Variants in NETO1 observed in about 807,000 individuals in gnomAD.
NETO1 encodes the protein neuropilin and tolloid like 1.
A neutral mutation model predicts 61.3 loss-of-function variants in NETO1; 26 were observed. The observed-to-expected ratio is 0.42, with a 90% CI of 0.31 to 0.59. NETO1 has a LOEUF of 0.59. Ranked by LOEUF, NETO1 falls within the 20% of genes least tolerant of loss-of-function variation. The pLI, the probability that NETO1 is intolerant of heterozygous loss-of-function variation, is 0.12. For missense variants in NETO1, 531 were observed against 662.8 expected, an observed-to-expected ratio of 0.80 and a Z score of 2.18; for synonymous variants, 225 against 225.8, an observed-to-expected ratio of 1.00 and a Z score of 0.03.
At chr18:72,750,693 T>G in intron 8 of NETO1, 73 bp from the exon 9 acceptor site, 4 of 1,067,732 alleles carry the variant, frequency 3.7e-6, no homozygotes, top group Non-Finnish European at 5.3e-6. Flanking sequence ...AATATTATAG[T>G]CAAAATGTGT....
At chr18:72,778,608 G>A (rs1472796609) in intron 7 of NETO1, among the ~76,000 whole-genome samples, 3 of 152,062 alleles carry the variant, frequency 2.0e-5, no homozygotes, top group Admixed American at 2.0e-4. Context: ...TTTATAACAA[G>A]GATGAACTTT....
At chr18:72,756,299 G>T (rs773124111) in intron 7 of NETO1, 152 bp from the exon 8 acceptor site, 1 of 527,260 alleles carries the variant, frequency 1.9e-6, no homozygotes, top group Non-Finnish European at 3.4e-6. Flanking sequence ...AAACGGTGCC[G>T]TAGTGGTAAT....
rs139115866 is a variant in NETO1, at chr18:72,794,225, G to A, written c.531C>T (p.Gly177=). The change falls in exon 6 of 11, where the codon GGC becomes GGT. Residue 177 remains glycine, a synonymous_variant. Coordinates refer to ENST00000327305, the MANE Select transcript of NETO1 (RefSeq NM_138966.5). ...TAGACTCCACAATTCCTTCGGAACC[G>A]CCCATCTCAAACTCACACGCTAAAT... is the stretch of plus-strand genomic sequence containing the variant. ...KPLPACEFEM[G]GSEGIVESIQ... 8.7e-6 allele frequency: 14 copies of A among 1,614,022 alleles called. No homozygotes were observed. The highest frequency in any genetic ancestry group is 1.2e-5 in the Non-Finnish European group (14 of 1,180,004).
Position 72,858,955 on chromosome 18 carries a change from T to C in NETO1, c.340A>G (p.Ile114Val). The change falls in exon 4 of 11, where the codon ATT becomes GTT. Residue 114 changes from isoleucine (I) to valine (V), a missense_variant. Physicochemically the swap from Ile to Val is conservative, Grantham distance 29 (BLOSUM62 3). Transcript: ENST00000327305. Reference protein sequence around the residue: ...RDGPFGFSPIIGRFCGQQNPP... With the variant: ...RDGPFGFSPIVGRFCGQQNPP... ...TTTTGTTGTCCACAGAAACGTCCAA[T>C]TATTGGAGAAAAGCCAAAAGGTCCA... The C allele has an allele frequency of 1.2e-6, 2 of 1,613,908 alleles. No individual in the cohort carries two copies. The highest frequency in any genetic ancestry group is 1.7e-6 in the Non-Finnish European group (2 of 1,179,866).
intron 4 of NETO1, chr18:72,835,292 G>T: frequency 6.3e-7 from 1 of 1,590,840 alleles, no homozygotes; most frequent in Non-Finnish European, 8.6e-7. Context: ...ACACTCTGTA[G>T]ATCCTGCTAA....
At chr18:72,743,304 C>T (rs1324739300), downstream of NETO1, among the ~76,000 whole-genome samples, 1 of 152,140 alleles carries the variant, frequency 6.6e-6, no homozygotes, top group East Asian at 1.9e-4. Context: ...TTTCTCCCTG[C>T]ACTACTATTT....
chr18:72,852,483 G>A (rs915496625), intron 4 of NETO1, among the ~76,000 whole-genome samples: 3 of 152,262 alleles, frequency 2.0e-5, no homozygotes, highest in Non-Finnish European at 2.9e-5. Context: ...CCAAAGTGCC[G>A]GGATTACAGG....
At chr18:72,805,147 C>A (rs1433024112) in intron 4 of NETO1, among the ~76,000 whole-genome samples, 1 of 152,074 alleles carries the variant, frequency 6.6e-6, no homozygotes, top group Non-Finnish European at 1.5e-5. Context: ...AACTGCAAAC[C>A]ATTTATTAAT....
At chr18:72,807,990 C>A (rs2072735302) in intron 4 of NETO1, among the ~76,000 whole-genome samples, 1 of 150,394 alleles carries the variant, frequency 6.6e-6, no homozygotes, top group South Asian at 2.1e-4. Context: ...CCTGAGCCAT[C>A]TTTTTCACTA....
chr18:72,771,476 C>T (rs1370125009), intron 7 of NETO1, among the ~76,000 whole-genome samples: 2 of 152,070 alleles, frequency 1.3e-5, no homozygotes, highest in East Asian at 1.9e-4. Flanking sequence ...TGTGGAAGTG[C>T]GGTGCCTTCA....
intron 3 of NETO1, among the ~76,000 whole-genome samples, chr18:72,862,415 A>G (rs2074601055): frequency 6.6e-6 from 1 of 152,204 alleles, no homozygotes; most frequent in Admixed American, 6.5e-5. Flanking sequence ...CTAGAGCTAC[A>G]TGTATCCAAT....
intron 4 of NETO1, among the ~76,000 whole-genome samples, chr18:72,857,096 C>G (rs2074431257): frequency 6.6e-6 from 1 of 152,166 alleles, no homozygotes; most frequent in African/African-American, 2.4e-5. Flanking sequence ...GTAAGTTTTC[C>G]AAGTCTCCTT....
At chr18:72,769,467 T>G (rs1285635553) in intron 7 of NETO1, among the ~76,000 whole-genome samples, 1 of 152,204 alleles carries the variant, frequency 6.6e-6, no homozygotes, top group Non-Finnish European at 1.5e-5. Flanking sequence ...ATGAGTCAAT[T>G]AACCCAACAT....
chr18:72,803,229 A>G (rs2072564377), intron 4 of NETO1, among the ~76,000 whole-genome samples: 1 of 152,216 alleles, frequency 6.6e-6, no homozygotes, highest in Non-Finnish European at 1.5e-5. Flanking sequence ...GAATTTTTAA[A>G]TGAGATTGTT....
chr18:72,856,629 T>G (rs1184210830), intron 4 of NETO1, among the ~76,000 whole-genome samples: 1 of 152,172 alleles, frequency 6.6e-6, no homozygotes, highest in African/African-American at 2.4e-5. Context: ...GTGTTCAAAA[T>G]TTACGTGATG....
intron 3 of NETO1, among the ~76,000 whole-genome samples, chr18:72,860,469 G>A (rs1344078532): frequency 6.6e-6 from 1 of 152,118 alleles, no homozygotes; most frequent in Non-Finnish European, 1.5e-5. Flanking sequence ...TTGGAAATTG[G>A]AGACCTACAG....
chr18:72,765,034 G>C (rs547146647), intron 7 of NETO1, among the ~76,000 whole-genome samples: 16 of 152,282 alleles, frequency 1.1e-4, no homozygotes, highest in African/African-American at 3.4e-4. Context: ...CCATCTGAAA[G>C]TATAAATCAG....
chr18:72,832,919 T>C (rs2073627442), intron 4 of NETO1, among the ~76,000 whole-genome samples: 1 of 152,230 alleles, frequency 6.6e-6, no homozygotes, highest in Non-Finnish European at 1.5e-5. Context: ...ATAATTTATA[T>C]AGTCTAGAAT....
chr18:72,842,299 G>A (rs1371090776), intron 4 of NETO1, among the ~76,000 whole-genome samples: 2 of 152,046 alleles, frequency 1.3e-5, no homozygotes, highest in Non-Finnish European at 2.9e-5. Context: ...TATATTATAT[G>A]TATACACATG....
Sources: allele counts gnomAD v4.1 joint callset (sites outside exome capture counted in the v4.1 genomes callset), GRCh38; gene constraint gnomAD v4.1.1; transcripts MANE v1.5; gene names NCBI Gene and HGNC (gene_info 2026-07-23, HGNC 2026-07-21).